Variants in ENTREP2 observed in about 807,000 individuals in gnomAD.
ENTREP2 encodes endosomal transmembrane epsin interactor 2.
the ENTREP2 span, among the ~76,000 whole-genome samples, chr15:29,409,294 C>A: frequency 1.3e-5 from 2 of 152,004 alleles, no homozygotes; most frequent in South Asian, 4.1e-4. Context: ...ACTCATATTA[C>A]ATTGTTTTCA....
At chr15:29,347,778 G>T in the ENTREP2 span, among the ~76,000 whole-genome samples, 1 of 152,302 alleles carries the variant, frequency 6.6e-6, no homozygotes, top group Admixed American at 6.5e-5. Context: ...AGGAGTCTAC[G>T]CAGGCTCGCC....
chr15:29,279,402 G>A, the ENTREP2 span, among the ~76,000 whole-genome samples: 1 of 150,808 alleles, frequency 6.6e-6, no homozygotes, highest in Non-Finnish European at 1.5e-5. Flanking sequence ...GCCTGGCTGT[G>A]TCACCAGGCT....
chr15:29,674,658 G>C, the ENTREP2 span, among the ~76,000 whole-genome samples: 120 of 151,734 alleles, frequency 7.9e-4, no homozygotes, highest in East Asian at 0.017. Context: ...GGATGGAAGG[G>C]AGAGTAAAAG....
chr15:29,229,682 G>C, the ENTREP2 span, among the ~76,000 whole-genome samples: 1 of 152,074 alleles, frequency 6.6e-6, no homozygotes, highest in Non-Finnish European at 1.5e-5. Context: ...CCTGGCTTTG[G>C]ATATGGCATT....
the ENTREP2 span, among the ~76,000 whole-genome samples, chr15:29,368,896 A>G: frequency 4.6e-5 from 7 of 152,008 alleles, no homozygotes; most frequent in African/African-American, 1.7e-4. Flanking sequence ...AAAAATAACC[A>G]AATAGAAATT....
chr15:29,472,428 AACACACACACACACACACAC>A, the ENTREP2 span, among the ~76,000 whole-genome samples: 8 of 140,622 alleles, frequency 5.7e-5, no homozygotes, highest in Non-Finnish European at 1.1e-4. Flanking sequence ...CACAACACAC[AACACACACACACACACACAC>A]ACACACACAC....
At chr15:29,669,390 C>A in the ENTREP2 span, among the ~76,000 whole-genome samples, 50 of 152,182 alleles carry the variant, frequency 3.3e-4, 1 homozygote, top group East Asian at 8.7e-3. Flanking sequence ...ATGTTCAGCC[C>A]CCTCGCCATG....
chr15:29,308,266 A>C, the ENTREP2 span, among the ~76,000 whole-genome samples: 77,078 of 152,010 alleles, frequency 0.51, 22,405 homozygotes, highest in African/African-American at 0.82. Context: ...ATCTCAGCTA[A>C]TCAGCAGGCT....
chr15:29,477,723 C>G, the ENTREP2 span, among the ~76,000 whole-genome samples: 2 of 152,088 alleles, frequency 1.3e-5, no homozygotes, highest in East Asian at 3.9e-4. Flanking sequence ...GATCTCTATA[C>G]AGACCATGCC....
the ENTREP2 span, among the ~76,000 whole-genome samples, chr15:29,558,114 A>G: frequency 6.6e-6 from 1 of 152,170 alleles, no homozygotes; most frequent in Admixed American, 6.5e-5. Context: ...GCCAGCGGAT[A>G]CCTGCCCCTC....
the ENTREP2 span, among the ~76,000 whole-genome samples, chr15:29,551,544 C>T: frequency 6.6e-6 from 1 of 152,198 alleles, no homozygotes; most frequent in Admixed American, 6.5e-5. Context: ...CTCAAAACTT[C>T]ACTGTGCATC....
At chr15:29,424,197 T>C in the ENTREP2 span, among the ~76,000 whole-genome samples, 9 of 152,178 alleles carry the variant, frequency 5.9e-5, no homozygotes, top group Non-Finnish European at 1.2e-4. Context: ...CAGCAAGCTT[T>C]ATTGCCAAGA....
chr15:29,504,651 C>G, the ENTREP2 span, among the ~76,000 whole-genome samples: 1 of 152,192 alleles, frequency 6.6e-6, no homozygotes, highest in African/African-American at 2.4e-5. Flanking sequence ...TAGGCTCACT[C>G]TCTGACCTTT....
At chr15:29,392,925 G>A in the ENTREP2 span, among the ~76,000 whole-genome samples, 6 of 152,128 alleles carry the variant, frequency 3.9e-5, no homozygotes, top group Non-Finnish European at 8.8e-5. Context: ...TCTCTGCACT[G>A]TGTCTAATCA....
At chr15:29,387,574 C>T in the ENTREP2 span, among the ~76,000 whole-genome samples, 1 of 152,148 alleles carries the variant, frequency 6.6e-6, no homozygotes, top group Non-Finnish European at 1.5e-5. Context: ...AATGCCATCC[C>T]CATCAAGCTA....
At chr15:29,184,396 G>A in the ENTREP2 span, among the ~76,000 whole-genome samples, 1 of 152,188 alleles carries the variant, frequency 6.6e-6, no homozygotes, top group Non-Finnish European at 1.5e-5. Context: ...ATGACCCATT[G>A]GCTGTCCCCT....
the ENTREP2 span, among the ~76,000 whole-genome samples, chr15:29,407,179 C>T: frequency 2.6e-5 from 4 of 152,210 alleles, no homozygotes; most frequent in African/African-American, 9.6e-5. Flanking sequence ...GTACGGCCTA[C>T]TGCTCCCAGG....
chr15:29,238,750 G>C, the ENTREP2 span, among the ~76,000 whole-genome samples: 3 of 152,164 alleles, frequency 2.0e-5, no homozygotes, highest in Non-Finnish European at 2.9e-5. Context: ...GAAGGTGAAG[G>C]GAAGCAGGCA....
At chr15:29,119,122 C>T in the ENTREP2 span, among the ~76,000 whole-genome samples, 1 of 152,174 alleles carries the variant, frequency 6.6e-6, no homozygotes, top group South Asian at 2.1e-4. Context: ...ATAAAAGAGA[C>T]GGCCTTTCAA....
Sources: gnomAD v4.1 joint callset for allele counts (sites outside exome capture counted in the v4.1 genomes callset) on GRCh38, gnomAD v4.1.1 for gene constraint, MANE v1.5 for transcripts, NCBI Gene and HGNC (gene_info 2026-07-23, HGNC 2026-07-21) for gene names.